Variants in BABAM1 observed in about 807,000 individuals in gnomAD.
BABAM1 encodes the protein BRISC and BRCA1 A complex member 1.
BABAM1 carries 14 observed loss-of-function variants against 34.4 expected under a neutral mutation model. The ratio of observed to expected loss-of-function variants is 0.41; its 90% confidence interval spans 0.27 to 0.64. The LOEUF (loss-of-function observed/expected upper bound fraction) is 0.64. BABAM1 is among the 30% of genes least tolerant of loss of function. The pLI is 0.34. For synonymous variants in BABAM1, 169 were observed against 165.8 expected (o/e 1.02, Z -0.15); for missense variants, 393 against 434.0 (o/e 0.91, Z 0.84).
intron 7 of BABAM1, 56 bp from the exon 8 acceptor site, chr19:17,276,767 A>C: frequency 6.4e-7 from 1 of 1,562,990 alleles, no homozygotes; most frequent in Non-Finnish European, 8.7e-7. Flanking sequence ...AGCTATAGTC[A>C]TGGGGCACGG....
chr19:17,278,196 A>G (rs2073933529), intron 8 of BABAM1, among the ~76,000 whole-genome samples: 1 of 152,114 alleles, frequency 6.6e-6, no homozygotes, highest in Admixed American at 6.6e-5. Flanking sequence ...AAAAAAATAA[A>G]ATAAGTAAAA....
At chr19:17,270,524 C>CTTTTTTTTTT (rs955870596) in intron 2 of BABAM1, among the ~76,000 whole-genome samples, 1 of 125,894 alleles carries the variant, frequency 7.9e-6, no homozygotes, top group African/African-American at 3.0e-5. Context: ...AGGTCACATT[C>CTTTTTTTTTT]TTTTTTTTTT....
chr19:17,276,640 G>A lies in BABAM1; in HGVS notation c.699+16G>A, dbSNP rs2073912500. On this transcript the variant is annotated intron_variant, in intron 7 of 8. Coordinates refer to ENST00000598188, the MANE Select transcript of BABAM1 (RefSeq NM_014173.4). ...GCCCATGAAGGTGGGTGAGGCCTGG[G>A]AGAGGGAGGGGTGCCTGCAGCCATG... 2.5e-6 allele frequency: 4 copies of A among 1,595,958 alleles called. No individual in the cohort carries two copies. Among genetic ancestry groups the A allele is most frequent in the Non-Finnish European group, 2.6e-6 (3 of 1,171,422 alleles).
intron 2 of BABAM1, among the ~76,000 whole-genome samples, chr19:17,270,925 C>T (rs565626443): frequency 2.6e-5 from 4 of 151,492 alleles, no homozygotes; most frequent in Admixed American, 2.0e-4. Context: ...CTCCTGACCT[C>T]GTGATCCTCC....
chr19:17,274,042 G>A lies in BABAM1; in HGVS notation c.465+18G>A, dbSNP rs778662160. 10 of 1,613,682 alleles carry A rather than the reference G, an allele frequency of 6.2e-6. No homozygotes were observed. In the East Asian group the frequency reaches 1.1e-4, roughly 18 times the overall value. On this transcript the variant is annotated intron_variant, in intron 4 of 8. Coordinates refer to ENST00000598188, the MANE Select transcript of BABAM1 (RefSeq NM_014173.4). ...CGGCCTGGGTGAGGCTGCGGCAGGC[G>A]CTGGGTGCCCTGGGGTCCCCTGGGG...
chr19:17,276,334 C>A, intron 6 of BABAM1, 161 bp from the exon 7 acceptor site: 2 of 1,099,708 alleles, frequency 1.8e-6, no homozygotes, highest in Non-Finnish European at 1.3e-6. Flanking sequence ...ATGCTCAGGG[C>A]AGAGGGAACC....
In BABAM1 at chr19:17,269,027, A is replaced by G; in HGVS notation, c.221A>G (p.Gln74Arg). Reference protein sequence around the residue: ...NTSGAGPKSWQVPPPAPEVQI... With the variant: ...NTSGAGPKSWRVPPPAPEVQI... ...TCAGGAGCCGGCCCTAAGTCCTGGC[A>G]GGTGCCCCCGCCAGCCCCTGAGGTC... is the stretch of plus-strand genomic sequence containing the variant. Residue 74 changes from glutamine to arginine, a missense_variant, in exon 2 of 9, where the codon CAG becomes CGG. Physicochemically the swap from Gln to Arg is conservative, Grantham distance 43. Coordinates refer to ENST00000598188, the MANE Select transcript of BABAM1 (RefSeq NM_014173.4). The G allele has an allele frequency of 6.3e-7, 1 of 1,592,076 alleles. No individual in the cohort carries two copies. Among genetic ancestry groups the G allele is most frequent in the Non-Finnish European group, 8.5e-7 (1 of 1,170,786 alleles).
At position 17,270,912 on chromosome 19, in the gene BABAM1, G is replaced by A. The variant is rs551897231; in HGVS notation, c.286-685G>A. Among the ~76,000 whole-genome samples, 8 of 150,466 alleles carry A rather than the reference G, an allele frequency of 5.3e-5. No homozygotes were observed. The South Asian group carries it at 8.4e-4, about 16-fold the overall frequency. ...TCACCCTGTTAGCCAGGATGGTCTCGATCTCCTGACCTCGTGATCCTCCCG... is the reference window on the plus strand; with the variant it reads ...TCACCCTGTTAGCCAGGATGGTCTCAATCTCCTGACCTCGTGATCCTCCCG... On this transcript the variant is annotated intron_variant, in intron 2 of 8. Transcript: ENST00000598188.
Position 17,277,856 on chromosome 19 carries a change from G to A in BABAM1, c.786+947G>A, listed in dbSNP as rs575619156. Among the ~76,000 whole-genome samples, 11 of 152,202 alleles carry A rather than the reference G, an allele frequency of 7.2e-5. No homozygotes were observed. In the South Asian group the frequency reaches 2.3e-3, roughly 32 times the overall value. On this transcript the variant is annotated intron_variant, in intron 8 of 8. Coordinates refer to ENST00000598188, the MANE Select transcript of BABAM1 (RefSeq NM_014173.4). ...ATGAAGCCACTGCACTCCAGCCTGGGTGACAGGGCGGAGACCCTGTGTCAA... is the reference window on the plus strand; with the variant it reads ...ATGAAGCCACTGCACTCCAGCCTGGATGACAGGGCGGAGACCCTGTGTCAA...
rs757659240 is a variant in BABAM1 at position 17,274,158 on chromosome 19, C to A, written c.517C>A (p.Leu173Met). Residue 173 changes from leucine to methionine, a missense_variant, in exon 5 of 9, where the codon CTG becomes ATG. Coordinates refer to ENST00000598188, the MANE Select transcript of BABAM1 (RefSeq NM_014173.4). ...PRELCSCLYD[L>M]ETASCSTFNL... ...CGAGCTCTGTAGCTGCCTCTATGAT[C>A]TGGAGACGGCCTCCTGTTCCACCTT... 15 of 1,613,498 alleles carry A rather than the reference C, an allele frequency of 9.3e-6. No individual in the cohort carries two copies. In the South Asian group the frequency reaches 1.6e-4, roughly 18 times the overall value.
chr19:17,278,066 C>T (rs943062551), intron 8 of BABAM1, among the ~76,000 whole-genome samples: 3 of 151,580 alleles, frequency 2.0e-5, no homozygotes, highest in Non-Finnish European at 4.4e-5. Flanking sequence ...CCCATCTACT[C>T]AGGAGGCTGA....
At chr19:17,270,708 G>C (rs903822285) in intron 2 of BABAM1, among the ~76,000 whole-genome samples, 3 of 149,498 alleles carry the variant, frequency 2.0e-5, no homozygotes, top group African/African-American at 7.4e-5. Context: ...TTTTTTTTGA[G>C]ACGGAGTCTC....
At chr19:17,271,015 G>A (rs1240074080) in intron 2 of BABAM1, among the ~76,000 whole-genome samples, 1 of 147,662 alleles carries the variant, frequency 6.8e-6, no homozygotes, top group Admixed American at 6.8e-5. Context: ...TTGAGACAGA[G>A]TTTCACTCTG....
intron 8 of BABAM1, 191 bp downstream of exon 8, chr19:17,277,100 G>T: frequency 1.7e-6 from 1 of 588,916 alleles, no homozygotes; most frequent in Non-Finnish European, 3.0e-6. Flanking sequence ...GGCAGCCATT[G>T]GGACGATGGT....
rs984574345 is a variant in BABAM1 at position 17,276,409 on chromosome 19, G to T, written c.570-86G>T. ...ACATCAGTGGGGCCTCACCTGCCCG[G>T]TGAGCATCTGGGGTCTCTCTCAGGG... On this transcript the variant is annotated intron_variant, in intron 6 of 8. Transcript: ENST00000598188. 5.2e-6 allele frequency: 8 copies of T among 1,543,120 alleles called. No individual in the cohort carries two copies. The Admixed American group carries it at 5.9e-5, about 11-fold the overall frequency.
intron 2 of BABAM1, among the ~76,000 whole-genome samples, chr19:17,270,861 T>A (rs2073832560): frequency 6.6e-6 from 1 of 151,322 alleles, no homozygotes; most frequent in African/African-American, 2.4e-5. Flanking sequence ...CTAATTTTTT[T>A]GTATTTTTTT....
chr19:17,269,275 G>A (rs1437669218), intron 2 of BABAM1, among the ~76,000 whole-genome samples, 184 bp downstream of exon 2: 5 of 151,954 alleles, frequency 3.3e-5, no homozygotes. Flanking sequence ...CAGAAGTCAG[G>A]TGTCGCCAGG....
intron 5 of BABAM1, chr19:17,274,693 A>G (rs67412075): frequency 0.17 from 26,509 of 156,860 alleles, 2,433 homozygotes; most frequent in Non-Finnish European, 0.19. Context: ...AGTGTGTGAC[A>G]GAAGTGTCAC....
chr19:17,279,094 C>T lies in BABAM1; in HGVS notation c.*46C>T. On this transcript the variant is annotated 3_prime_UTR_variant, in exon 9 of 9. Coordinates refer to ENST00000598188, the MANE Select transcript of BABAM1 (RefSeq NM_014173.4). ...CCTTCTTGTGCAAGGAAGTCCTTGG[C>T]CTAAAGCCTTGGTTCTCAAACTGGG... 1 of 1,560,194 alleles carries T rather than the reference C, an allele frequency of 6.4e-7. No individual in the cohort carries two copies. The highest frequency in any genetic ancestry group is 2.3e-5 in the East Asian group (1 of 42,748).
Sources: allele counts gnomAD v4.1 joint callset (sites outside exome capture counted in the v4.1 genomes callset), GRCh38; gene constraint gnomAD v4.1.1; transcripts MANE v1.5; gene names NCBI Gene and HGNC (gene_info 2026-07-23, HGNC 2026-07-21).